GALNT14: variants seen among roughly 807,000 people sequenced by gnomAD.
GALNT14 encodes the protein polypeptide N-acetylgalactosaminyltransferase 14.
A neutral mutation model predicts 77.5 loss-of-function variants in GALNT14; 60 were observed. The observed-to-expected ratio is 0.77, with a 90% CI of 0.63 to 0.96. GALNT14 has a LOEUF of 0.96. Ranked by LOEUF, GALNT14 falls within the 40% of genes least tolerant of loss-of-function variation. The probability of loss-of-function intolerance (pLI) is 0.00; values close to 1 mark genes in which losing one functional copy is unlikely to be tolerated. For missense variants in GALNT14, 710 were observed against 731.0 expected (o/e 0.97, Z 0.33); for synonymous variants, 280 against 281.7 (o/e 0.99, Z 0.06).
chr2:31,042,075 G>A (rs990658357), intron 1 of GALNT14, among the ~76,000 whole-genome samples: 12 of 152,232 alleles, frequency 7.9e-5, no homozygotes, highest in East Asian at 1.9e-4. Flanking sequence ...GCAGAGAGAC[G>A]TGTTATATAA....
chr2:30,888,497 A>C, the GALNT14 span, among the ~76,000 whole-genome samples: 8 of 152,236 alleles, frequency 5.3e-5, no homozygotes, highest in South Asian at 1.7e-3. Flanking sequence ...AAGAGTGGCC[A>C]GCATGTGGCA....
intron 1 of GALNT14, among the ~76,000 whole-genome samples, chr2:31,122,052 T>A (rs924602506): frequency 2.0e-5 from 3 of 152,094 alleles, no homozygotes; most frequent in African/African-American, 7.2e-5. Flanking sequence ...CTTTGAGGAC[T>A]AGAGAGAGAG....
chr2:30,889,351 GCTC>G, the GALNT14 span, among the ~76,000 whole-genome samples: 1 of 152,172 alleles, frequency 6.6e-6, no homozygotes, highest in Non-Finnish European at 1.5e-5. Flanking sequence ...ACTTGGAACA[GCTC>G]CTCCTCCCAT....
chr2:31,023,985 A>T (rs1336483604), intron 1 of GALNT14, among the ~76,000 whole-genome samples: 2 of 152,098 alleles, frequency 1.3e-5, no homozygotes, highest in Non-Finnish European at 2.9e-5. Flanking sequence ...TCTAAAATAT[A>T]TCCTGAGTGT....
chr2:30,929,417 C>T lies in GALNT14; in HGVS notation c.1129G>A (p.Ala377Thr), dbSNP rs772501273. 16 of 1,613,936 alleles carry T rather than the reference C, an allele frequency of 9.9e-6. No homozygotes were observed. The highest frequency in any genetic ancestry group is 3.3e-5 in the South Asian group (3 of 91,082). Reference protein sequence around the residue: ...KQYYYAARPFALERPFGNVES... With the variant: ...KQYYYAARPFTLERPFGNVES... Reference sequence around the variant, plus strand: ...TACTTCCCGAAGGGCCTCTCCAGGGCGAATGGCCGGGCAGCGTAATAGTAT... The same window carrying T: ...TACTTCCCGAAGGGCCTCTCCAGGGTGAATGGCCGGGCAGCGTAATAGTAT... The change falls in exon 11 of 15, where the codon GCC becomes ACC. Residue 377 changes from alanine (A) to threonine (T), a missense_variant. Coordinates refer to ENST00000349752, the MANE Select transcript of GALNT14 (RefSeq NM_024572.4).
intron 1 of GALNT14, among the ~76,000 whole-genome samples, chr2:31,074,457 G>T (rs1267231884): frequency 6.6e-6 from 1 of 151,882 alleles, no homozygotes; most frequent in Admixed American, 6.6e-5. Flanking sequence ...TCACATCTCT[G>T]GGTAAGCTTG....
chr2:31,032,272 C>T (rs1012871263), intron 1 of GALNT14, among the ~76,000 whole-genome samples: 3 of 152,180 alleles, frequency 2.0e-5, no homozygotes, highest in Non-Finnish European at 4.4e-5. Flanking sequence ...GGTTGAGGAT[C>T]CACTCGCTCA....
At chr2:30,938,278 G>A (rs754987918) in intron 9 of GALNT14, among the ~76,000 whole-genome samples, 13 of 148,556 alleles carry the variant, frequency 8.8e-5, no homozygotes, top group South Asian at 2.1e-4. Context: ...AATATGCACC[G>A]CTTACATACC....
At chr2:30,972,417 C>T (rs528292949) in intron 2 of GALNT14, among the ~76,000 whole-genome samples, 15 of 152,322 alleles carry the variant, frequency 9.8e-5, no homozygotes, top group South Asian at 4.1e-4. Flanking sequence ...ACAGTGATGA[C>T]GGTATCCACC....
chr2:31,079,026 A>C, intron 1 of GALNT14: 1 of 1,286,928 alleles, frequency 7.8e-7, no homozygotes, highest in Non-Finnish European at 1.0e-6. Flanking sequence ...TTCAGAACGA[A>C]ATGGGTAGGC....
At chr2:31,092,548 G>A (rs10193546) in intron 1 of GALNT14, among the ~76,000 whole-genome samples, 8,800 of 152,156 alleles carry the variant, frequency 0.058, 262 homozygotes, top group South Asian at 0.085. Context: ...CATGTGTCAC[G>A]GGAAGAATGG....
chr2:30,931,262 A>G (rs1340171328), intron 10 of GALNT14, among the ~76,000 whole-genome samples: 23 of 152,250 alleles, frequency 1.5e-4, no homozygotes, highest in Non-Finnish European at 1.8e-4. Flanking sequence ...CCCTACCCCA[A>G]TGGACCAAAT....
chr2:31,057,861 G>C (rs1573263583), intron 1 of GALNT14, among the ~76,000 whole-genome samples: 1 of 152,066 alleles, frequency 6.6e-6, no homozygotes, highest in Non-Finnish European at 1.5e-5. Context: ...CTTAGGGTTG[G>C]GTTGAGCCTC....
chr2:31,078,835 G>T, intron 1 of GALNT14: 1 of 1,064,220 alleles, frequency 9.4e-7, no homozygotes, highest in African/African-American at 1.6e-5. Context: ...CGAGATATAG[G>T]CCTGGGAGAA....
intron 1 of GALNT14, among the ~76,000 whole-genome samples, chr2:31,057,502 G>C (rs1646355747): frequency 6.7e-6 from 1 of 150,256 alleles, no homozygotes; most frequent in South Asian, 2.1e-4. Flanking sequence ...AAGCCTGGGA[G>C]ACTCAACTTG....
the GALNT14 span, among the ~76,000 whole-genome samples, chr2:30,904,348 T>G: frequency 6.6e-6 from 1 of 152,218 alleles, no homozygotes; most frequent in Non-Finnish European, 1.5e-5. Flanking sequence ...GGTCAGTGGC[T>G]GCGTGCACTG....
Position 30,955,880 on chromosome 2 carries a change from C to A in GALNT14, c.532+32G>T, listed in dbSNP as rs375499630. The A allele has an allele frequency of 3.1e-6, 5 of 1,613,248 alleles. No homozygotes were observed. The Admixed American group carries it at 6.7e-5, about 22-fold the overall frequency. ...CACCTTCGACCCCCCGACACTCACA[C>A]TGGAGGCTCCCGCACAACAGCTCAG... On this transcript the variant is annotated intron_variant, in intron 5 of 14. Transcript: ENST00000349752.
At chr2:31,122,069 C>T (rs1368500725) in intron 1 of GALNT14, among the ~76,000 whole-genome samples, 1 of 152,200 alleles carries the variant, frequency 6.6e-6, no homozygotes, top group African/African-American at 2.4e-5. Context: ...AGAGGGAATT[C>T]CTCCAGCTTG....
intron 1 of GALNT14, among the ~76,000 whole-genome samples, chr2:31,087,480 G>A (rs888102112): frequency 6.6e-6 from 1 of 151,860 alleles, no homozygotes; most frequent in South Asian, 2.1e-4. Flanking sequence ...GACAGGAAAG[G>A]AGAGGAGAAG....
Sources: allele counts gnomAD v4.1 joint callset (sites outside exome capture counted in the v4.1 genomes callset), GRCh38; gene constraint gnomAD v4.1.1; transcripts MANE v1.5; gene names NCBI Gene and HGNC (gene_info 2026-07-23, HGNC 2026-07-21).